The following PCSK6 variants were observed in gnomAD, a reference collection of about 807,000 sequenced individuals.
PCSK6 encodes proprotein convertase subtilisin/kexin type 6, also known as paired basic amino acid cleaving enzyme 4.
A neutral mutation model predicts 123.3 loss-of-function variants in PCSK6; 85 were observed. The ratio of observed to expected loss-of-function variants is 0.69; its 90% confidence interval spans 0.58 to 0.83. The LOEUF (loss-of-function observed/expected upper bound fraction) is 0.83. Ranked by LOEUF, PCSK6 falls within the 40% of genes least tolerant of loss-of-function variation. The pLI, the probability that PCSK6 is intolerant of heterozygous loss-of-function variation, is 0.00. For missense variants in PCSK6, 1,191 were observed against 1,282.3 expected (o/e 0.93, Z 1.09); for synonymous variants, 508 against 516.0 (o/e 0.98, Z 0.21).
chr15:101,435,114 C>T (rs1194219160), intron 2 of PCSK6, among the ~76,000 whole-genome samples: 2 of 152,176 alleles, frequency 1.3e-5, no homozygotes, highest in Non-Finnish European at 2.9e-5. Flanking sequence ...ATGCAAAGCT[C>T]TGCCTTCAAT....
Position 101,489,429 on chromosome 15 carries a change from C to A in PCSK6, c.242G>T (p.Gly81Val). The change falls in exon 1 of 22, where the codon GGC becomes GTC. Residue 81 changes from glycine to valine, a missense_variant. By Grantham distance (109) the Gly-to-Val change is moderately radical. Coordinates refer to ENST00000611716, the MANE Select transcript of PCSK6 (RefSeq NM_002570.5). ...CGCCACGCGGTCCGCCTCGGCCGGGCCGCCCAGCACTTGCACCGCCCAGTG... is the reference window on the plus strand; with the variant it reads ...CGCCACGCGGTCCGCCTCGGCCGGGACGCCCAGCACTTGCACCGCCCAGTG... Reference protein sequence around the residue: ...TNHWAVQVLGGPAEADRVAAA... With the variant: ...TNHWAVQVLGVPAEADRVAAA... 2 of 1,275,652 alleles carry A rather than the reference C, an allele frequency of 1.6e-6. No homozygotes were observed. The highest frequency in any genetic ancestry group is 2.0e-6 in the Non-Finnish European group (2 of 997,758). The allele number at this position is 1,275,652 out of a possible 1,614,324, so 79.0% of individuals were successfully genotyped here.
Position 101,324,967 on chromosome 15 carries a change from C to A in PCSK6, c.2260G>T (p.Glu754Ter). The A allele has an allele frequency of 6.2e-7, 1 of 1,613,312 alleles. No homozygotes were observed. Residue 754 changes from glutamate (E) to a stop codon, truncating the protein, a stop_gained, in exon 17 of 22, where the codon GAG becomes TAG. Coordinates refer to ENST00000611716, the MANE Select transcript of PCSK6 (RefSeq NM_002570.5). LOFTEE classifies it high-confidence loss of function. ...GTCGCAGCTCTGCTGGAGCAGGTCT[C>A]ACACCCCTTGTGGCACCGGCGACAG... ...RRCRRCHKGCETCSSRAATQC... is the reference protein window; with the variant it reads ...RRCRRCHKGC
At chr15:101,421,369 T>A (rs1372695174) in intron 6 of PCSK6, among the ~76,000 whole-genome samples, 1 of 152,204 alleles carries the variant, frequency 6.6e-6, no homozygotes, top group African/African-American at 2.4e-5. Context: ...TGTCCACAGG[T>A]TTTTTGACAC....
At chr15:101,417,381 A>T (rs537735990) in intron 6 of PCSK6, among the ~76,000 whole-genome samples, 1 of 152,352 alleles carries the variant, frequency 6.6e-6, no homozygotes, top group East Asian at 1.9e-4. Flanking sequence ...CTGAACGTGT[A>T]TTAGGACACA....
intron 15 of PCSK6, 118 bp downstream of exon 15, chr15:101,331,533 G>T (rs1486782381): frequency 1.3e-5 from 11 of 850,250 alleles, no homozygotes; most frequent in Non-Finnish European, 2.0e-5. Context: ...TGGAAAGGGG[G>T]TGCTCCTAGA....
chr15:101,355,227 T>C (rs960670718), intron 13 of PCSK6, among the ~76,000 whole-genome samples: 8 of 152,254 alleles, frequency 5.3e-5, no homozygotes, highest in Non-Finnish European at 1.5e-5. Context: ...TTTTTTAAAG[T>C]GCCATCAATT....
intron 18 of PCSK6, among the ~76,000 whole-genome samples, chr15:101,319,446 C>G (rs932410067): frequency 2.0e-5 from 3 of 152,164 alleles, no homozygotes; most frequent in Admixed American, 6.5e-5. Context: ...TCCTGGCACA[C>G]AGCTCCTAAA....
At chr15:101,462,088 A>G (rs1370184835) in intron 1 of PCSK6, among the ~76,000 whole-genome samples, 1 of 152,216 alleles carries the variant, frequency 6.6e-6, no homozygotes, top group Non-Finnish European at 1.5e-5. Context: ...ATGGTTTCCT[A>G]TGGTTTACAT....
chr15:101,400,295 A>G (rs2042549859), intron 6 of PCSK6, among the ~76,000 whole-genome samples: 1 of 152,122 alleles, frequency 6.6e-6, no homozygotes, highest in African/African-American at 2.4e-5. Context: ...TGTGCCATTA[A>G]AGACTCTTCC....
chr15:101,352,462 C>A (rs990250482), intron 13 of PCSK6, among the ~76,000 whole-genome samples: 24 of 152,198 alleles, frequency 1.6e-4, no homozygotes, highest in African/African-American at 5.5e-4. Context: ...TTCTGCCAGA[C>A]AGAAATTTCT....
chr15:101,310,627 A>G (rs1037639445), intron 20 of PCSK6, among the ~76,000 whole-genome samples: 2 of 152,186 alleles, frequency 1.3e-5, no homozygotes, highest in Non-Finnish European at 1.5e-5. Flanking sequence ...CCTCCATTAC[A>G]GCAACGCAGT....
At chr15:101,358,302 G>A (rs2041106650) in intron 13 of PCSK6, among the ~76,000 whole-genome samples, 2 of 152,022 alleles carry the variant, frequency 1.3e-5, no homozygotes, top group Non-Finnish European at 2.9e-5. Context: ...ATGCTACTAA[G>A]ATAAAAAAAA....
intron 15 of PCSK6, among the ~76,000 whole-genome samples, chr15:101,330,587 T>C (rs1170068711): frequency 6.6e-6 from 1 of 152,326 alleles, no homozygotes; most frequent in East Asian, 1.9e-4. Flanking sequence ...CACTCACCCC[T>C]GAGACTTGAG....
At chr15:101,447,838 G>A (rs1212227211) in intron 1 of PCSK6, among the ~76,000 whole-genome samples, 2 of 152,214 alleles carry the variant, frequency 1.3e-5, no homozygotes, top group Non-Finnish European at 2.9e-5. Flanking sequence ...TCTCCAGCCG[G>A]TGCCTGAGCA....
chr15:101,395,476 T>C, intron 7 of PCSK6, among the ~76,000 whole-genome samples: 1 of 152,250 alleles, frequency 6.6e-6, no homozygotes, highest in East Asian at 1.9e-4. Context: ...CTCATAGGCA[T>C]CAAGGTACCA....
intron 10 of PCSK6, chr15:101,383,964 G>A (rs2041982697): frequency 7.0e-6 from 2 of 287,330 alleles, no homozygotes; most frequent in African/African-American, 4.6e-5. Context: ...CAAATTCCTG[G>A]GCTCAAGCAA....
intron 5 of PCSK6, among the ~76,000 whole-genome samples, chr15:101,429,488 A>AACCAGCTC (rs1348106630): frequency 1.3e-5 from 2 of 152,132 alleles, no homozygotes; most frequent in Non-Finnish European, 2.9e-5. Context: ...ATGAAGTTTC[A>AACCAGCTC]ACCAGCTCAC....
chr15:101,403,576 A>G (rs185441353), intron 6 of PCSK6, among the ~76,000 whole-genome samples: 15 of 152,282 alleles, frequency 9.9e-5, no homozygotes, highest in African/African-American at 3.6e-4. Flanking sequence ...AAAAACGGAT[A>G]CCCATGAACC....
At chr15:101,483,788 C>G (rs4965880) in intron 1 of PCSK6, among the ~76,000 whole-genome samples, 5,187 of 152,160 alleles carry the variant, frequency 0.034, 301 homozygotes, top group African/African-American at 0.12. Flanking sequence ...TGTCCAAACG[C>G]CCATGCGACC....
Sources: allele counts gnomAD v4.1 joint callset (sites outside exome capture counted in the v4.1 genomes callset), GRCh38; gene constraint gnomAD v4.1.1; transcripts MANE v1.5; gene names NCBI Gene and HGNC (gene_info 2026-07-23, HGNC 2026-07-21).